The following RETREG1 variants were observed in gnomAD, a reference collection of about 807,000 sequenced individuals.
The protein encoded by RETREG1 is family with sequence similarity 134 member B.
In RETREG1, 44 loss-of-function variants were observed where a neutral mutation model predicts 54.8. The ratio of observed to expected loss-of-function variants is 0.80; its 90% CI spans 0.63 to 1.03. RETREG1 has a LOEUF of 1.03. RETREG1 is among the 50% of genes least tolerant of loss of function. RETREG1 has a pLI of 0.00. For synonymous variants in RETREG1, 217 were observed against 238.5 expected (o/e 0.91, Z 0.83); for missense variants, 554 against 605.1 (o/e 0.92, Z 0.89).
At chr5:16,475,309 C>T (rs1198519190) in intron 8 of RETREG1, 75 bp from the exon 9 acceptor site, 25 of 1,545,832 alleles carry the variant, frequency 1.6e-5, no homozygotes, top group Middle Eastern at 2.1e-4. Context: ...CTAAAGATAT[C>T]TGACTTTAAT....
chr5:16,599,772 A>G (rs1422395653), intron 1 of RETREG1, among the ~76,000 whole-genome samples: 1 of 152,212 alleles, frequency 6.6e-6, no homozygotes, highest in Non-Finnish European at 1.5e-5. Context: ...GCCAGAATCA[A>G]AAGTAAAAAT....
intron 3 of RETREG1, among the ~76,000 whole-genome samples, chr5:16,520,270 A>G (rs13184355): frequency 0.18 from 26,647 of 151,664 alleles, 2,786 homozygotes; most frequent in Middle Eastern, 0.26. Context: ...CTCTATGGTG[A>G]TAGGCTTAAT....
chr5:16,616,640 C>T lies in RETREG1; in HGVS notation c.320+12G>A. 6.3e-7 allele frequency: 1 copy of T among 1,585,636 alleles called. No individual in the cohort carries two copies. The highest frequency in any genetic ancestry group is 8.5e-7 in the Non-Finnish European group (1 of 1,172,146). Reference sequence around the variant, plus strand: ...GCCCTCCTCAGCGCCCCCACCTTGCCCAAGCTCTCACCAGAACAGCAGGTT... The same window carrying T: ...GCCCTCCTCAGCGCCCCCACCTTGCTCAAGCTCTCACCAGAACAGCAGGTT... On this transcript the variant is annotated intron_variant, in intron 1 of 8. Coordinates refer to ENST00000306320, the MANE Select transcript of RETREG1 (RefSeq NM_001034850.3).
At chr5:16,485,798 A>C (rs1738994568) in intron 3 of RETREG1, among the ~76,000 whole-genome samples, 1 of 152,212 alleles carries the variant, frequency 6.6e-6, no homozygotes, top group Non-Finnish European at 1.5e-5. Context: ...CCATCTATCC[A>C]CTAATTTATT....
chr5:16,524,479 T>A (rs935832011), intron 3 of RETREG1, among the ~76,000 whole-genome samples: 2 of 152,188 alleles, frequency 1.3e-5, no homozygotes, highest in Non-Finnish European at 2.9e-5. Context: ...GGACTTGGCT[T>A]CTTTACATCC....
intron 1 of RETREG1, among the ~76,000 whole-genome samples, chr5:16,581,835 A>ATATTT (rs897109496): frequency 3.9e-5 from 6 of 152,182 alleles, no homozygotes; most frequent in Non-Finnish European, 1.5e-5. Flanking sequence ...ACCTTTTAAA[A>ATATTT]TATTTTATTT....
At chr5:16,481,299 T>C (rs1323648537) in intron 4 of RETREG1, among the ~76,000 whole-genome samples, 1 of 152,058 alleles carries the variant, frequency 6.6e-6, no homozygotes, top group Non-Finnish European at 1.5e-5. Flanking sequence ...TTTCAACACT[T>C]GGTAATAATT....
intron 3 of RETREG1, among the ~76,000 whole-genome samples, chr5:16,534,264 G>A (rs112731790): frequency 1.3e-5 from 2 of 152,176 alleles, no homozygotes; most frequent in African/African-American, 2.4e-5. Flanking sequence ...GGGTGATAGA[G>A]TGAGACCCTG....
chr5:16,484,146 C>A (rs1275060511), intron 3 of RETREG1, among the ~76,000 whole-genome samples: 1 of 152,070 alleles, frequency 6.6e-6, no homozygotes, highest in African/African-American at 2.4e-5. Context: ...TAATCATCAT[C>A]TAGAATGTGT....
At chr5:16,567,475 C>G (rs1302638656) in intron 2 of RETREG1, among the ~76,000 whole-genome samples, 1 of 152,210 alleles carries the variant, frequency 6.6e-6, no homozygotes, top group Non-Finnish European at 1.5e-5. Context: ...GCCACAATCC[C>G]TACTGAGACC....
chr5:16,583,257 G>T (rs913338618), intron 1 of RETREG1, among the ~76,000 whole-genome samples: 3 of 151,940 alleles, frequency 2.0e-5, no homozygotes, highest in African/African-American at 7.3e-5. Flanking sequence ...GAGGCAGGCG[G>T]ATCACTTGAG....
chr5:16,568,177 A>G (rs1742070163), intron 2 of RETREG1, among the ~76,000 whole-genome samples: 1 of 152,118 alleles, frequency 6.6e-6, no homozygotes, highest in Non-Finnish European at 1.5e-5. Context: ...GGAGAGAGAG[A>G]AATCCATCCC....
At chr5:16,606,822 A>G (rs1044904657) in intron 1 of RETREG1, among the ~76,000 whole-genome samples, 2 of 151,974 alleles carry the variant, frequency 1.3e-5, no homozygotes, top group African/African-American at 4.8e-5. Context: ...TTGCTCCCCT[A>G]ATTCATCCAG....
At chr5:16,527,895 C>T (rs1740772678) in intron 3 of RETREG1, among the ~76,000 whole-genome samples, 1 of 143,040 alleles carries the variant, frequency 7.0e-6, no homozygotes, top group African/African-American at 2.5e-5. Context: ...CTGCAAGCTC[C>T]GCCTCCTGGG....
At chr5:16,520,980 G>T (rs898927711) in intron 3 of RETREG1, among the ~76,000 whole-genome samples, 2 of 152,102 alleles carry the variant, frequency 1.3e-5, no homozygotes, top group Non-Finnish European at 2.9e-5. Context: ...CAGGAAACAG[G>T]GCAGGGCTCA....
At chr5:16,547,473 T>C (rs1353446807) in intron 3 of RETREG1, among the ~76,000 whole-genome samples, 1 of 152,238 alleles carries the variant, frequency 6.6e-6, no homozygotes, top group African/African-American at 2.4e-5. Flanking sequence ...AGCCTGGAAC[T>C]GTTGGCGCTC....
At position 16,536,525 on chromosome 5, in the gene RETREG1, C is replaced by A. The variant is rs113504003; in HGVS notation, c.458+29238G>T. Among the ~76,000 whole-genome samples, 354 of 152,110 alleles carry A rather than the reference C, an allele frequency of 2.3e-3. 2 individuals are homozygous for A. The highest frequency in any genetic ancestry group is 8.3e-3 in the African/African-American group (343 of 41,532). ...ACCCCTGGACCCTGACATGCCAACA[C>A]GTCAACACACTCTAACTCCTCGCCC... On this transcript the variant is annotated intron_variant, in intron 3 of 8. Transcript: ENST00000306320.
chr5:16,591,367 G>T lies in RETREG1; in HGVS notation c.321-19265C>A, dbSNP rs185931954. On this transcript the variant is annotated intron_variant, in intron 1 of 8. Transcript: ENST00000306320. ...GCCTATAAAATAAGCAAATGCCACA[G>T]GTAACCACCCCATGCTGACTCTGAG... Among the ~76,000 whole-genome samples, 3 of 152,260 alleles carry T rather than the reference G, an allele frequency of 2.0e-5. No homozygotes were observed. In the East Asian group the frequency reaches 5.8e-4, roughly 29 times the overall value.
chr5:16,528,894 G>A (rs896890524), intron 3 of RETREG1, among the ~76,000 whole-genome samples: 4 of 151,956 alleles, frequency 2.6e-5, no homozygotes, highest in East Asian at 1.9e-4. Context: ...GCAGACAGAT[G>A]AGCGTGGGCC....
Sources: gnomAD v4.1 joint callset for allele counts (sites outside exome capture counted in the v4.1 genomes callset) on GRCh38, gnomAD v4.1.1 for gene constraint, MANE v1.5 for transcripts, NCBI Gene and HGNC (gene_info 2026-07-23, HGNC 2026-07-21) for gene names.